The following AK4 variants were observed in gnomAD, a reference collection of about 807,000 sequenced individuals.
AK4 encodes adenylate kinase 4.
In AK4, 13 loss-of-function variants were observed where a neutral mutation model predicts 24.6. That is an observed-to-expected ratio of 0.53 (90% CI 0.34 to 0.84). The LOEUF (loss-of-function observed/expected upper bound fraction) is 0.84. Ranked by LOEUF, AK4 falls within the 40% of genes least tolerant of loss-of-function variation. The probability of loss-of-function intolerance (pLI) is 0.01; values close to 1 mark genes in which losing one functional copy is unlikely to be tolerated. For synonymous variants in AK4, 88 were observed against 107.0 expected (o/e 0.82, Z 1.10); for missense variants, 192 against 288.2 (o/e 0.67, Z 2.42).
chr1:65,176,525 C>T (rs1011832273), intron 1 of AK4, among the ~76,000 whole-genome samples: 2 of 152,068 alleles, frequency 1.3e-5, no homozygotes, highest in Admixed American at 6.6e-5. Context: ...TTTCGCTGCC[C>T]GTGAATGCCG....
chr1:65,155,460 A>C (rs1649946636), intron 1 of AK4, among the ~76,000 whole-genome samples: 1 of 152,186 alleles, frequency 6.6e-6, no homozygotes, highest in South Asian at 2.1e-4. Context: ...ACGGCAGAGC[A>C]AGACTCTGTC....
chr1:65,172,553 A>G (rs534096131), intron 1 of AK4, among the ~76,000 whole-genome samples: 5 of 152,182 alleles, frequency 3.3e-5, no homozygotes, highest in Non-Finnish European at 7.3e-5. Context: ...AGACTTGGGT[A>G]TAGAATAAGC....
chr1:65,149,936 G>T (rs1428993643), intron 1 of AK4, among the ~76,000 whole-genome samples: 3 of 152,166 alleles, frequency 2.0e-5, no homozygotes, highest in African/African-American at 7.2e-5. Context: ...GGGAAGGCTG[G>T]CTCTCATCCT....
chr1:65,207,973 GT>G (rs1281604048), intron 2 of AK4, among the ~76,000 whole-genome samples: 2 of 152,130 alleles, frequency 1.3e-5, no homozygotes, highest in Admixed American at 1.3e-4. Context: ...ATGATTCCAT[GT>G]TTTTGCTATG....
chr1:65,192,358 C>G (rs369069017), intron 2 of AK4, among the ~76,000 whole-genome samples: 16 of 152,178 alleles, frequency 1.1e-4, no homozygotes, highest in African/African-American at 3.9e-4. Flanking sequence ...TATCTAGAAC[C>G]CACTTCTGTG....
At chr1:65,220,993 A>C (rs1296869516) in intron 3 of AK4, among the ~76,000 whole-genome samples, 1 of 152,190 alleles carries the variant, frequency 6.6e-6, no homozygotes, top group East Asian at 1.9e-4. Flanking sequence ...TTAAGTGACT[A>C]GGGAAGGCTA....
intron 1 of AK4, among the ~76,000 whole-genome samples, chr1:65,187,013 T>C (rs142466008): frequency 0.013 from 1,985 of 152,176 alleles, 14 homozygotes; most frequent in Non-Finnish European, 0.019. Context: ...ATTGAAAACA[T>C]TAAGCTAAGT....
chr1:65,181,871 T>G (rs1650921029), intron 1 of AK4, among the ~76,000 whole-genome samples: 1 of 152,114 alleles, frequency 6.6e-6, no homozygotes, highest in Non-Finnish European at 1.5e-5. Flanking sequence ...TCTCTGACAC[T>G]TAGGGAAATG....
intron 1 of AK4, among the ~76,000 whole-genome samples, chr1:65,149,968 G>C (rs1649710673): frequency 1.3e-5 from 2 of 152,164 alleles, no homozygotes; most frequent in African/African-American, 4.8e-5. Flanking sequence ...GTTTAGGTTG[G>C]GCTTCTTCAT....
At chr1:65,222,938 G>A (rs1265970333) in intron 3 of AK4, among the ~76,000 whole-genome samples, 1 of 151,704 alleles carries the variant, frequency 6.6e-6, no homozygotes, top group Non-Finnish European at 1.5e-5. Context: ...TGTCCATTTT[G>A]CAATTTTAAG....
intron 2 of AK4, among the ~76,000 whole-genome samples, chr1:65,195,563 T>A (rs1651441258): frequency 6.6e-6 from 1 of 152,214 alleles, no homozygotes; most frequent in Non-Finnish European, 1.5e-5. Flanking sequence ...GTTAGTGTGA[T>A]AATTGAGAGC....
chr1:65,171,593 C>G (rs889885532), intron 1 of AK4, among the ~76,000 whole-genome samples: 2 of 152,082 alleles, frequency 1.3e-5, no homozygotes, highest in African/African-American at 4.8e-5. Flanking sequence ...GTGTGAGCCA[C>G]TGTGCCCAGC....
At chr1:65,207,773 T>A (rs1651855359) in intron 2 of AK4, among the ~76,000 whole-genome samples, 1 of 152,272 alleles carries the variant, frequency 6.6e-6, no homozygotes, top group East Asian at 1.9e-4. Flanking sequence ...TAGCTACCCC[T>A]TATAAGTGAG....
Position 65,187,347 on chromosome 1 carries a change from C to G in AK4, c.146-3363C>G, listed in dbSNP as rs557225161. Among the ~76,000 whole-genome samples the G allele has an allele frequency of 1.3e-4, 9 of 66,884 alleles. No individual in the cohort carries two copies. In the East Asian group the frequency reaches 3.3e-3, roughly 25 times the overall value. 43.9% of individuals were successfully genotyped at this position (66,884 alleles called of 152,430 possible). A position where few individuals can be genotyped will look rare whatever the true frequency, so the allele number is the denominator to read the frequency against. On this transcript the variant is annotated intron_variant, in intron 1 of 4. Transcript: ENST00000327299. ...TGGGTGACAGAGCGAGACTCCGTCTCAAAAAAAAAAAAAAAAAAAAAGAAG... is the reference window on the plus strand; with the variant it reads ...TGGGTGACAGAGCGAGACTCCGTCTGAAAAAAAAAAAAAAAAAAAAAGAAG...
intron 2 of AK4, among the ~76,000 whole-genome samples, chr1:65,195,272 T>A (rs539707943): frequency 6.6e-6 from 1 of 152,258 alleles, no homozygotes; most frequent in African/African-American, 2.4e-5. Flanking sequence ...CCTGATCATC[T>A]CTTAAAGGCC....
At chr1:65,160,139 T>C (rs1650112339) in intron 1 of AK4, among the ~76,000 whole-genome samples, 1 of 152,166 alleles carries the variant, frequency 6.6e-6, no homozygotes, top group Non-Finnish European at 1.5e-5. Context: ...CTGAGTACTC[T>C]AGAAACTAGT....
At chr1:65,167,056 TGAAAG>T (rs1341303561) in intron 1 of AK4, among the ~76,000 whole-genome samples, 1 of 152,154 alleles carries the variant, frequency 6.6e-6, no homozygotes. Flanking sequence ...CACTTGAACC[TGAAAG>T]GCGGAAGTTG....
chr1:65,170,014 A>G (rs955053312), intron 1 of AK4, among the ~76,000 whole-genome samples: 3 of 152,062 alleles, frequency 2.0e-5, no homozygotes, highest in Non-Finnish European at 4.4e-5. Flanking sequence ...TGCCTCATGG[A>G]AAGTCCCTCC....
intron 1 of AK4, among the ~76,000 whole-genome samples, chr1:65,157,784 G>A (rs750808405): frequency 1.2e-4 from 18 of 151,780 alleles, no homozygotes; most frequent in Non-Finnish European, 2.4e-4. Flanking sequence ...GCAAGACCCT[G>A]TCTCTGAGAA....
Sources: allele counts gnomAD v4.1 joint callset (sites outside exome capture counted in the v4.1 genomes callset), GRCh38; gene constraint gnomAD v4.1.1; transcripts MANE v1.5; gene names NCBI Gene and HGNC (gene_info 2026-07-23, HGNC 2026-07-21).